PELI2: variants seen among roughly 807,000 people sequenced by gnomAD.
PELI2 encodes the protein E3 ubiquitin-protein ligase pellino homolog 2.
A neutral mutation model predicts 42.3 loss-of-function variants in PELI2; 23 were observed. The observed-to-expected ratio is 0.54, with a 90% confidence interval of 0.39 to 0.77. The LOEUF (loss-of-function observed/expected upper bound fraction) is 0.77, where lower values mean the gene tolerates loss of function less well. Among genes scored for constraint, PELI2 ranks in the 30% least tolerant of loss-of-function variants. The probability of loss-of-function intolerance (pLI) is 0.00; values close to 1 mark genes in which losing one functional copy is unlikely to be tolerated. For missense variants in PELI2, 463 were observed against 553.2 expected (o/e 0.84, Z 1.64); for synonymous variants, 245 against 212.2 (o/e 1.15, Z -1.34).
intron 1 of PELI2, among the ~76,000 whole-genome samples, chr14:56,150,737 CAAAG>C (rs756133804): frequency 6.6e-5 from 10 of 152,250 alleles, no homozygotes; most frequent in Admixed American, 3.3e-4. Flanking sequence ...GTAAAAACGA[CAAAG>C]AAGCCAAGTT....
chr14:56,140,690 AC>A, intron 1 of PELI2, among the ~76,000 whole-genome samples: 1 of 152,374 alleles, frequency 6.6e-6, no homozygotes, highest in East Asian at 1.9e-4. Context: ...ACTTAAAAGT[AC>A]TTTTAGTTTT....
In PELI2 at chr14:56,301,440, T is replaced by G. The variant is rs886290578; in HGVS notation, c.*4274T>G. The G allele has an allele frequency of 6.6e-6, 1 of 152,592 alleles. No individual in the cohort carries two copies. The highest frequency in any genetic ancestry group is 6.5e-5 in the Admixed American group (1 of 15,288). 9.5% of individuals were successfully genotyped at this position (152,592 alleles called of 1,614,324 possible). A position where few individuals can be genotyped will look rare whatever the true frequency, so the allele number is the denominator to read the frequency against. On this transcript the variant is annotated 3_prime_UTR_variant, in exon 6 of 6. Transcript: ENST00000267460. The stretch of plus-strand genomic sequence containing the variant: ...CTCCAGCTGTTGAGTTTATTAATTG[T>G]TTTATATTCTGCACAATACATATTT...
chr14:56,285,652 T>C (rs1889620618), intron 3 of PELI2, among the ~76,000 whole-genome samples: 2 of 152,070 alleles, frequency 1.3e-5, no homozygotes, highest in South Asian at 4.1e-4. Context: ...GATTTAGCAA[T>C]ATATTGATTT....
intron 2 of PELI2, among the ~76,000 whole-genome samples, chr14:56,230,476 C>A (rs1887518414): frequency 6.6e-6 from 1 of 152,136 alleles, no homozygotes; most frequent in African/African-American, 2.4e-5. Context: ...GTTTTCATGC[C>A]AGAATTTCAT....
rs1190309473 is a variant in PELI2 at position 56,300,731 on chromosome 14, G to A, written c.*3565G>A. 1 of 152,108 alleles carries A rather than the reference G, an allele frequency of 6.6e-6. No homozygotes were observed. The highest frequency in any genetic ancestry group is 2.4e-5 in the African/African-American group (1 of 41,420). The allele number at this position is 152,108 out of a possible 1,614,324, so 9.4% of individuals were successfully genotyped here. On this transcript the variant is annotated 3_prime_UTR_variant, in exon 6 of 6. Transcript: ENST00000267460. ...GGAATTTCTGATAGACAAACCACAG[G>A]ACTTTGATTTTAAGCCAAATCCATC...
rs556562717 is a variant in PELI2, at chr14:56,208,520, G to C, written c.207+30056G>C. On this transcript the variant is annotated intron_variant, in intron 2 of 5. Transcript: ENST00000267460. ...GCACTAATGATGCAAAAGCAGTGGT[G>C]GGTAAAACTGCTGGCACTTTAGCAT... Among the ~76,000 whole-genome samples the C allele has an allele frequency of 4.6e-5, 7 of 152,300 alleles. No homozygotes were observed. In the South Asian group the frequency reaches 1.5e-3, roughly 32 times the overall value.
intron 1 of PELI2, among the ~76,000 whole-genome samples, chr14:56,169,136 A>G (rs1348901276): frequency 2.0e-5 from 3 of 152,184 alleles, no homozygotes; most frequent in Admixed American, 1.3e-4. Context: ...CAAGCTGTGC[A>G]GCCTGAGGTT....
At chr14:56,221,767 A>G (rs1159748287) in intron 2 of PELI2, among the ~76,000 whole-genome samples, 1 of 152,240 alleles carries the variant, frequency 6.6e-6, no homozygotes, top group Non-Finnish European at 1.5e-5. Flanking sequence ...TTAAATGTTC[A>G]GATTTTATTT....
In PELI2 at chr14:56,132,784, G is replaced by A. The variant is rs975998396; in HGVS notation, c.77+14047G>A. On this transcript the variant is annotated intron_variant, in intron 1 of 5. Coordinates refer to ENST00000267460, the MANE Select transcript of PELI2 (RefSeq NM_021255.3). ...CACCATGTTGGTTACCATAAATCAC[G>A]CCCTCTTTGATTTTGCTTGTGAAAT... Among the ~76,000 whole-genome samples, 8 of 152,118 alleles carry A rather than the reference G, an allele frequency of 5.3e-5. No homozygotes were observed. In the East Asian group the frequency reaches 7.7e-4, roughly 15 times the overall value.
intron 2 of PELI2, among the ~76,000 whole-genome samples, chr14:56,235,063 A>G (rs1003849693): frequency 6.6e-6 from 1 of 152,196 alleles, no homozygotes; most frequent in African/African-American, 2.4e-5. Context: ...AACAAGGCTT[A>G]GGAAGTATAT....
At chr14:56,166,424 AT>A (rs2139648335) in intron 1 of PELI2, among the ~76,000 whole-genome samples, 1 of 152,270 alleles carries the variant, frequency 6.6e-6, no homozygotes, top group African/African-American at 2.4e-5. Flanking sequence ...AGTGTTAATA[AT>A]ATTCTGTGTT....
At position 56,298,492 on chromosome 14, in the gene PELI2, G is replaced by A. The variant is rs1890082211; in HGVS notation, c.*1326G>A. 1 of 152,620 alleles carries A rather than the reference G, an allele frequency of 6.6e-6. No homozygotes were observed. Among genetic ancestry groups the A allele is most frequent in the South Asian group, 2.1e-4 (1 of 4,832 alleles). 9.5% of individuals were successfully genotyped at this position (152,620 alleles called of 1,614,324 possible). ...TAGGACATGAGACTGGTAGAAGCTG[G>A]CTGAGATAAAATAAGTATTTATTTA... is the stretch of plus-strand genomic sequence containing the variant. On this transcript the variant is annotated 3_prime_UTR_variant, in exon 6 of 6. Transcript: ENST00000267460.
At chr14:56,138,573 T>C (rs1482538176) in intron 1 of PELI2, among the ~76,000 whole-genome samples, 10 of 152,218 alleles carry the variant, frequency 6.6e-5, no homozygotes, top group African/African-American at 2.2e-4. Context: ...GTTTTGACTT[T>C]TGTAACTTCG....
intron 2 of PELI2, among the ~76,000 whole-genome samples, chr14:56,265,656 C>CA (rs1888876463): frequency 6.6e-6 from 1 of 151,880 alleles, no homozygotes; most frequent in African/African-American, 2.4e-5. Flanking sequence ...TCAGAGAATG[C>CA]AAAGACAAGG....
At chr14:56,168,576 C>T (rs1885052494) in intron 1 of PELI2, among the ~76,000 whole-genome samples, 1 of 152,000 alleles carries the variant, frequency 6.6e-6, no homozygotes, top group African/African-American at 2.4e-5. Context: ...GCAGTGGGGT[C>T]CCCTTTGGTC....
At chr14:56,227,337 G>A (rs1345397679) in intron 2 of PELI2, among the ~76,000 whole-genome samples, 2 of 152,200 alleles carry the variant, frequency 1.3e-5, no homozygotes, top group African/African-American at 4.8e-5. Flanking sequence ...TGAGGAGAGT[G>A]CCCCACTGGG....
intron 2 of PELI2, among the ~76,000 whole-genome samples, chr14:56,182,959 G>T (rs753224964): frequency 6.6e-6 from 1 of 152,102 alleles, no homozygotes; most frequent in Non-Finnish European, 1.5e-5. Flanking sequence ...TGGAGCTGGG[G>T]CCTCGGTGCT....
At chr14:56,126,757 G>T (rs138703399) in intron 1 of PELI2, among the ~76,000 whole-genome samples, 6 of 152,118 alleles carry the variant, frequency 3.9e-5, no homozygotes, top group African/African-American at 1.4e-4. Flanking sequence ...GATTGATTGC[G>T]TTGGGGAAAG....
chr14:56,288,458 C>T lies in PELI2; in HGVS notation c.331C>T (p.Pro111Ser), dbSNP rs1369937488. Residue 111 changes from proline (P) to serine (S), a missense_variant, in exon 4 of 6, where the codon CCT becomes TCT. This residue lies in a region of PELI2 where 343 missense variants were observed against 378.4 expected (regional missense o/e 0.91). Coordinates refer to ENST00000267460, the MANE Select transcript of PELI2 (RefSeq NM_021255.3). The surrounding 1 kb of genome is among the most constrained non-coding windows in gnomAD (Gnocchi z 4.6). ...TTAGGTGGGCAGATCAACAGAAAGC[C>T]CTATCGACTTCGTTGTCACAGACAC... ...MFQVGRSTES[P>S]IDFVVTDTIS... 3 of 1,613,872 alleles carry T rather than the reference C, an allele frequency of 1.9e-6. No individual in the cohort carries two copies. Among genetic ancestry groups the T allele is most frequent in the African/African-American group, 1.3e-5 (1 of 74,988 alleles).
Sources: allele counts gnomAD v4.1 joint callset (sites outside exome capture counted in the v4.1 genomes callset), GRCh38; gene constraint gnomAD v4.1.1; regional missense constraint gnomAD v4.1.1; non-coding constraint Gnocchi (gnomAD v3.1); transcripts MANE v1.5; gene names NCBI Gene and HGNC (gene_info 2026-07-23, HGNC 2026-07-21).